The following CIITA variants were observed in gnomAD, a reference collection of about 807,000 sequenced individuals.
The protein encoded by CIITA is MHC class II transactivator.
In CIITA, 72 loss-of-function variants were observed where a neutral mutation model predicts 115.1. That is an observed-to-expected ratio of 0.63 (90% CI 0.52 to 0.76). CIITA has a LOEUF of 0.76. Among genes scored for constraint, CIITA ranks in the 30% least tolerant of loss-of-function variants. CIITA has a pLI of 0.00. For synonymous variants in CIITA, 763 were observed against 635.6 expected (o/e 1.20, Z -3.02); for missense variants, 1,617 against 1,463.8 (o/e 1.10, Z -1.71).
intron 1 of CIITA, among the ~76,000 whole-genome samples, chr16:10,891,273 A>G (rs8062705): frequency 0.96 from 143,486 of 149,968 alleles, 68,983 homozygotes; most frequent in East Asian, 1. Flanking sequence ...GAGTCTTGGC[A>G]GGGGGAGTGG....
At chr16:10,867,863 C>T (rs2035200418) in intron 1 of CIITA, among the ~76,000 whole-genome samples, 1 of 152,158 alleles carries the variant, frequency 6.6e-6, no homozygotes, top group African/African-American at 2.4e-5. Context: ...TTAAGTGATC[C>T]TCCCACCTCA....
At position 10,931,488 on chromosome 16, in the gene CIITA, G is replaced by A. The variant is rs916364419; in HGVS notation, c.*7633G>A. On this transcript the variant is annotated 3_prime_UTR_variant, in exon 20 of 20. Coordinates refer to ENST00000324288, the MANE Select transcript of CIITA (RefSeq NM_000246.4). ...ATTTACTAACACTCCGGTTTTCATT[G>A]TGTTTATCTGTAGGGTTACCTTCTA... The A allele has an allele frequency of 2.0e-5, 3 of 152,214 alleles. No individual in the cohort carries two copies. The highest frequency in any genetic ancestry group is 6.5e-5 in the Admixed American group (1 of 15,286). The allele number at this position is 152,214 out of a possible 1,614,324, so 9.4% of individuals were successfully genotyped here. A position where few individuals can be genotyped will look rare whatever the true frequency, so the allele number is the denominator to read the frequency against.
chr16:10,891,389 A>C (rs1042802587), intron 1 of CIITA, among the ~76,000 whole-genome samples: 2 of 152,084 alleles, frequency 1.3e-5, no homozygotes, highest in Non-Finnish European at 2.9e-5. Context: ...GAAAGAGGTC[A>C]AGCTTGAAGG....
At chr16:10,893,758 A>G (rs2037827969) in intron 1 of CIITA, among the ~76,000 whole-genome samples, 1 of 136,818 alleles carries the variant, frequency 7.3e-6, no homozygotes, top group Admixed American at 8.5e-5. Flanking sequence ...GCAGTGAGCC[A>G]AGATTGCACC....
Position 10,907,610 on chromosome 16 carries a change from G to A in CIITA, c.2118G>A (p.Leu706=). ...CACCGCGGGCCGCAGAGTCCGAGCTGGCCTTCCCCAGCTTCCTCCTGCAAT... is the reference window on the plus strand; with the variant it reads ...CACCGCGGGCCGCAGAGTCCGAGCTAGCCTTCCCCAGCTTCCTCCTGCAAT... The part of the protein sequence containing the change: ...QHPPRAAESE[L]AFPSFLLQCF... Residue 706 remains leucine, a synonymous_variant, in exon 11 of 20, where the codon CTG becomes CTA. Transcript: ENST00000324288. This position sits in a 1 kb window ranked among gnomAD's most constrained non-coding sequence, Gnocchi z 5.0. 6.2e-7 allele frequency: 1 copy of A among 1,614,242 alleles called. No individual in the cohort carries two copies. Among genetic ancestry groups the A allele is most frequent in the Non-Finnish European group, 8.5e-7 (1 of 1,180,046 alleles).
In CIITA at chr16:10,927,592, C is replaced by T. The variant is rs1005815957; in HGVS notation, c.*3737C>T. The T allele has an allele frequency of 1.3e-5, 2 of 152,226 alleles. No homozygotes were observed. The highest frequency in any genetic ancestry group is 2.9e-5 in the Non-Finnish European group (2 of 68,052). 9.4% of individuals were successfully genotyped at this position (152,226 alleles called of 1,614,324 possible). On this transcript the variant is annotated 3_prime_UTR_variant, in exon 20 of 20. Coordinates refer to ENST00000324288, the MANE Select transcript of CIITA (RefSeq NM_000246.4). ...CAGGTGAGGTTGGCCAGTCTGTACA[C>T]TGCACAAAGGCACCTGGGACAAGGG...
chr16:10,885,167 A>G (rs1596457016), intron 1 of CIITA, among the ~76,000 whole-genome samples: 1 of 152,148 alleles, frequency 6.6e-6, no homozygotes, highest in African/African-American at 2.4e-5. Context: ...GGGAAACAAA[A>G]CAAATAGGCC....
At chr16:10,917,953 T>C (rs2040049433) in intron 15 of CIITA, among the ~76,000 whole-genome samples, 3 of 152,220 alleles carry the variant, frequency 2.0e-5, no homozygotes, top group Admixed American at 2.0e-4. Context: ...CACTGTAAGC[T>C]AGATTTCTTC....
Position 10,931,293 on chromosome 16 carries a change from A to T in CIITA, c.*7438A>T, listed in dbSNP as rs985971981. On this transcript the variant is annotated 3_prime_UTR_variant, in exon 20 of 20. Transcript: ENST00000324288. ...TGCCCCTGCACCCAGCCTGGGTGAC[A>T]GAGACCCTGTCTCAAAAAAAAGAGA... 1 of 152,746 alleles carries T rather than the reference A, an allele frequency of 6.5e-6. No homozygotes were observed. Among genetic ancestry groups the T allele is most frequent in the African/African-American group, 2.4e-5 (1 of 41,472 alleles). The allele number at this position is 152,746 out of a possible 1,614,324, so 9.5% of individuals were successfully genotyped here.
At chr16:10,900,600 C>CG (rs1567401791) in intron 5 of CIITA, among the ~76,000 whole-genome samples, 1 of 151,922 alleles carries the variant, frequency 6.6e-6, no homozygotes, top group Non-Finnish European at 1.5e-5. Flanking sequence ...ATTAGCCAGG[C>CG]GTGGTGGCGA....
chr16:10,894,669 C>G (rs1177996128), intron 1 of CIITA, among the ~76,000 whole-genome samples: 1 of 152,192 alleles, frequency 6.6e-6, no homozygotes, highest in Non-Finnish European at 1.5e-5. Context: ...TCTGCTCAGA[C>G]TCCTTCAGTT....
Position 10,901,731 on chromosome 16 carries a change from G to A in CIITA, c.481+173G>A, listed in dbSNP as rs533132108. The A allele has an allele frequency of 5.7e-5, 41 of 716,436 alleles. No homozygotes were observed. The highest frequency in any genetic ancestry group is 8.5e-5 in the South Asian group (5 of 58,630). 44.4% of individuals were successfully genotyped at this position (716,436 alleles called of 1,614,324 possible). A position where few individuals can be genotyped will look rare whatever the true frequency, so the allele number is the denominator to read the frequency against. The stretch of plus-strand genomic sequence containing the variant: ...CCTTAGAGTCCTCTAAGGGGCTCAC[G>A]ACTGTTTGTGGAAGGTGGTAGGGGC... On this transcript the variant is annotated intron_variant, in intron 6 of 19. Transcript: ENST00000324288. This position sits in a 1 kb window ranked among gnomAD's most constrained non-coding sequence, Gnocchi z 6.8.
chr16:10,900,538 G>A (rs1400723320), intron 5 of CIITA, among the ~76,000 whole-genome samples: 1 of 152,008 alleles, frequency 6.6e-6, no homozygotes, highest in Non-Finnish European at 1.5e-5. Context: ...TCAAGAGTTT[G>A]AGACCAGCCT....
intron 9 of CIITA, 124 bp downstream of exon 9, chr16:10,904,019 C>T: frequency 7.7e-7 from 1 of 1,295,820 alleles, no homozygotes; most frequent in Non-Finnish European, 1.1e-6. Context: ...GTTTAGGGGT[C>T]AGTCGGGACA....
At chr16:10,885,362 A>C (rs1378476935) in intron 1 of CIITA, among the ~76,000 whole-genome samples, 1 of 152,126 alleles carries the variant, frequency 6.6e-6, no homozygotes, top group East Asian at 1.9e-4. Context: ...GCATGCAGGC[A>C]CATGCACGCA....
chr16:10,917,257 C>T (rs149746771), intron 15 of CIITA, among the ~76,000 whole-genome samples: 195 of 151,282 alleles, frequency 1.3e-3, no homozygotes, highest in African/African-American at 4.5e-3. Flanking sequence ...CTCACTGCAG[C>T]CTCAATCTCC....
chr16:10,898,527 G>C (rs2038370198), intron 3 of CIITA, 143 bp from the exon 4 acceptor site: 1 of 559,852 alleles, frequency 1.8e-6, no homozygotes, highest in South Asian at 1.8e-5. Flanking sequence ...TCATTCATTT[G>C]TTTGATCATT....
chr16:10,876,313 C>A (rs576743798), upstream of CIITA, among the ~76,000 whole-genome samples: 47 of 152,350 alleles, frequency 3.1e-4, 1 homozygote, highest in South Asian at 9.5e-3. Flanking sequence ...CCTGGCCCAG[C>A]CATCTACTTT....
chr16:10,886,636 C>A (rs768006262), intron 1 of CIITA, among the ~76,000 whole-genome samples: 1 of 152,236 alleles, frequency 6.6e-6, no homozygotes, highest in Admixed American at 6.5e-5. Context: ...AGATGTCTAA[C>A]TTTTGCCAGT....
Sources: allele counts gnomAD v4.1 joint callset (sites outside exome capture counted in the v4.1 genomes callset), GRCh38; gene constraint gnomAD v4.1.1; non-coding constraint Gnocchi (gnomAD v3.1); transcripts MANE v1.5; gene names NCBI Gene and HGNC (gene_info 2026-07-23, HGNC 2026-07-21).